Variants in SLC14A2 observed in about 807,000 individuals in gnomAD.
The protein encoded by SLC14A2 is urea transporter 2.
Under a neutral mutation model 104.6 loss-of-function variants are expected in SLC14A2, and 91 were observed. The observed-to-expected ratio is 0.87, with a 90% CI of 0.73 to 1.04. The LOEUF (loss-of-function observed/expected upper bound fraction) is 1.04, where lower values mean the gene tolerates loss of function less well. Ranked by LOEUF, SLC14A2 falls within the 50% of genes least tolerant of loss-of-function variation. The probability of loss-of-function intolerance (pLI) is 0.00; values close to 1 mark genes in which losing one functional copy is unlikely to be tolerated. For missense variants in SLC14A2, 1,189 were observed against 1,156.0 expected, an observed-to-expected ratio of 1.03 and a Z score of -0.41; for synonymous variants, 476 against 466.4, an observed-to-expected ratio of 1.02 and a Z score of -0.27.
At chr18:45,520,928 C>A (rs547508727) in intron 2 of SLC14A2, among the ~76,000 whole-genome samples, 1 of 151,826 alleles carries the variant, frequency 6.6e-6, no homozygotes, top group South Asian at 2.1e-4. Flanking sequence ...GTGACAGGGC[C>A]TTGGTGATTG....
rs73955856 is a variant in SLC14A2 at position 45,545,502 on chromosome 18, C to G, written c.-35+62180C>G. ...AATAGAAGAGAACATATGTCTGCAGCCCCCAAACTGTGTACCAAAGAACCC... is the reference window on the plus strand; with the variant it reads ...AATAGAAGAGAACATATGTCTGCAGGCCCCAAACTGTGTACCAAAGAACCC... On this transcript the variant is annotated intron_variant, in intron 2 of 20. Coordinates refer to the SLC14A2 transcript ENST00000586448. 2.0e-3 allele frequency among the ~76,000 whole-genome samples: 302 copies of G among 152,288 alleles called. 3 individuals are homozygous for G. Among genetic ancestry groups the G allele is most frequent in the African/African-American group, 7.1e-3 (293 of 41,552 alleles).
intron 2 of SLC14A2, among the ~76,000 whole-genome samples, chr18:45,511,263 A>G (rs2043361928): frequency 6.6e-6 from 1 of 152,088 alleles, no homozygotes. Flanking sequence ...TTCCTCCCCA[A>G]CTAGGTTATA....
intron 1 of SLC14A2, among the ~76,000 whole-genome samples, chr18:45,237,207 A>C (rs2084263786): frequency 6.6e-6 from 1 of 152,176 alleles, no homozygotes; most frequent in Non-Finnish European, 1.5e-5. Flanking sequence ...AGGGCCCCAA[A>C]TTCTCTCTCT....
At chr18:45,344,390 G>A (rs1391745919) in intron 1 of SLC14A2, among the ~76,000 whole-genome samples, 2 of 152,134 alleles carry the variant, frequency 1.3e-5, no homozygotes, top group Non-Finnish European at 2.9e-5. Flanking sequence ...AAGTTCCGCT[G>A]GCTGGCTGGC....
chr18:45,629,809 T>C lies in SLC14A2; in HGVS notation c.522-2541T>C, dbSNP rs1055368565. ...CCTGATTAAGAATTTAAGATAAATA[T>C]GCATCAGATAAAAACCCAGTCCCTC... On this transcript the variant is annotated intron_variant, in intron 4 of 19. Coordinates refer to ENST00000255226, the MANE Select transcript of SLC14A2 (RefSeq NM_007163.4). Among the ~76,000 whole-genome samples the C allele has an allele frequency of 3.9e-5, 6 of 152,228 alleles. No individual in the cohort carries two copies. In the South Asian group the frequency reaches 1.2e-3, roughly 32 times the overall value.
rs2046058359 is a variant in SLC14A2, at chr18:45,667,974, T to C, written c.1859T>C (p.Leu620Pro). ...QNPWWAISGC[L>P]GTIMSTLTAL... ...CCCTGGTGGGCGATCTCAGGCTGCC[T>C]GGGTACCATCATGTCCACCTTGACA... The change falls in exon 14 of 20, where the codon CTG becomes CCG. Residue 620 changes from leucine to proline, a missense_variant. Leu to Pro is a moderately conservative substitution (Grantham distance 98). Coordinates refer to ENST00000255226, the MANE Select transcript of SLC14A2 (RefSeq NM_007163.4). 2 of 1,614,118 alleles carry C rather than the reference T, an allele frequency of 1.2e-6. No individual in the cohort carries two copies. Among genetic ancestry groups the C allele is most frequent in the Admixed American group, 3.3e-5 (2 of 60,012 alleles).
At chr18:45,325,424 A>G (rs898638873) in intron 1 of SLC14A2, among the ~76,000 whole-genome samples, 1 of 152,230 alleles carries the variant, frequency 6.6e-6, no homozygotes, top group Non-Finnish European at 1.5e-5. Flanking sequence ...CCAGAAAACA[A>G]GCAAGGGTAT....
intron 2 of SLC14A2, among the ~76,000 whole-genome samples, chr18:45,544,926 G>A (rs776663758): frequency 1.1e-4 from 17 of 151,330 alleles, no homozygotes; most frequent in Non-Finnish European, 1.8e-4. Flanking sequence ...CCAAGTAACC[G>A]GGATTACAGG....
chr18:45,509,007 G>A (rs1233869098), intron 2 of SLC14A2, among the ~76,000 whole-genome samples: 1 of 152,184 alleles, frequency 6.6e-6, no homozygotes, highest in African/African-American at 2.4e-5. Flanking sequence ...TGCTAGGATA[G>A]AGGACCCATG....
intron 2 of SLC14A2, among the ~76,000 whole-genome samples, chr18:45,556,045 C>T (rs1213869075): frequency 1.3e-5 from 2 of 152,122 alleles, no homozygotes; most frequent in South Asian, 2.1e-4. Flanking sequence ...AGTCCAAAAT[C>T]GGGGTGCCAG....
the SLC14A2 span, among the ~76,000 whole-genome samples, chr18:45,173,778 T>C: frequency 5.0e-3 from 764 of 152,244 alleles, 2 homozygotes; most frequent in South Asian, 0.025. Flanking sequence ...CTCTGTTTGC[T>C]AGCAACCTGG....
chr18:45,411,110 C>T lies in SLC14A2; in HGVS notation c.-124-72123C>T, dbSNP rs200628283. Among the ~76,000 whole-genome samples the T allele has an allele frequency of 2.2e-4, 34 of 152,268 alleles. 1 individual carries two copies. The highest frequency in any genetic ancestry group is 9.6e-4 in the East Asian group (5 of 5,186). On this transcript the variant is annotated intron_variant, in intron 1 of 20. Coordinates refer to the SLC14A2 transcript ENST00000586448. ...AGGAACCTAACCCTGTATTCCCTTA[C>T]GAGCAATAGTTCAGAATTCACTAAT...
intron 2 of SLC14A2, among the ~76,000 whole-genome samples, chr18:45,572,961 C>A (rs1379196864): frequency 3.3e-5 from 5 of 152,152 alleles, no homozygotes; most frequent in Non-Finnish European, 7.3e-5. Flanking sequence ...GTTATTGTCA[C>A]CATGTTGGCA....
At chr18:45,285,667 C>A (rs56868765) in intron 1 of SLC14A2, among the ~76,000 whole-genome samples, 14 of 93,228 alleles carry the variant, frequency 1.5e-4, no homozygotes, top group African/African-American at 5.9e-4. Flanking sequence ...ATCTGCCCCC[C>A]CCCCCCCTCG....
At chr18:45,400,517 C>T (rs766955214) in intron 1 of SLC14A2, among the ~76,000 whole-genome samples, 3 of 152,208 alleles carry the variant, frequency 2.0e-5, no homozygotes, top group Non-Finnish European at 4.4e-5. Flanking sequence ...ATTTAGGTGG[C>T]ATCTTCCACT....
chr18:45,263,433 T>G (rs1248899610), intron 1 of SLC14A2, among the ~76,000 whole-genome samples: 1 of 152,174 alleles, frequency 6.6e-6, no homozygotes, highest in African/African-American at 2.4e-5. Flanking sequence ...CAAAGTTCCT[T>G]TTCTTCTCCC....
At chr18:45,449,068 A>G in intron 1 of SLC14A2, among the ~76,000 whole-genome samples, 1 of 152,224 alleles carries the variant, frequency 6.6e-6, no homozygotes, top group South Asian at 2.1e-4. Context: ...GTCAGCTGTG[A>G]GAATCACTCA....
rs111736233 is a variant in SLC14A2, at chr18:45,287,976, T to C, written c.-125+74785T>C. Among the ~76,000 whole-genome samples, 153 of 152,330 alleles carry C rather than the reference T, an allele frequency of 1.0e-3. 2 individuals carry two copies. Among genetic ancestry groups the C allele is most frequent in the Middle Eastern group, 6.8e-3 (2 of 294 alleles). On this transcript the variant is annotated intron_variant, in intron 1 of 20. Coordinates refer to the SLC14A2 transcript ENST00000586448. ...TAACTCGCCTGCAGTCCTAGCTCCTTTTGTCTCCTGCCCAGTGGCTTTGAG... is the reference window on the plus strand; with the variant it reads ...TAACTCGCCTGCAGTCCTAGCTCCTCTTGTCTCCTGCCCAGTGGCTTTGAG...
At chr18:45,533,279 G>T (rs1219036892) in intron 2 of SLC14A2, among the ~76,000 whole-genome samples, 1 of 152,190 alleles carries the variant, frequency 6.6e-6, no homozygotes, top group Non-Finnish European at 1.5e-5. Context: ...AATGGTACCA[G>T]CTCCTCCTTG....
Sources: gnomAD v4.1 joint callset for allele counts (sites outside exome capture counted in the v4.1 genomes callset) on GRCh38, gnomAD v4.1.1 for gene constraint, MANE v1.5 for transcripts, NCBI Gene and HGNC (gene_info 2026-07-23, HGNC 2026-07-21) for gene names.